Variants in NLRC4 observed in about 807,000 individuals in gnomAD.
NLRC4 encodes NLR family CARD domain-containing protein 4.
In NLRC4, 63 loss-of-function variants were observed where a neutral mutation model predicts 79.9. The observed-to-expected ratio is 0.79, with a 90% CI of 0.64 to 0.97. The LOEUF (loss-of-function observed/expected upper bound fraction) is 0.97, where lower values mean the gene tolerates loss of function less well. NLRC4 is among the 50% of genes least tolerant of loss of function. The probability of loss-of-function intolerance (pLI) is 0.00; values close to 1 mark genes in which losing one functional copy is unlikely to be tolerated. For synonymous variants in NLRC4, 461 were observed against 456.5 expected (o/e 1.01, Z -0.12); for missense variants, 1,074 against 1,215.2 (o/e 0.88, Z 1.73).
chr2:32,231,572 T>TGCGGGG, intron 8 of NLRC4, among the ~76,000 whole-genome samples: 1 of 59,456 alleles, frequency 1.7e-5, no homozygotes, highest in Non-Finnish European at 3.0e-5. Context: ...TATTTTTTTT[T>TGCGGGG]GTGGGGGGGG....
intron 4 of NLRC4, 36 bp from the exon 5 acceptor site, chr2:32,241,161 A>G (rs761774400): frequency 4.0e-6 from 5 of 1,236,830 alleles, no homozygotes; most frequent in Non-Finnish European, 5.9e-6. Context: ...CTTTCAGCAG[A>G]TATTTGCTAT....
chr2:32,253,814 A>G (rs1687141563), intron 2 of NLRC4, among the ~76,000 whole-genome samples: 2 of 151,822 alleles, frequency 1.3e-5, no homozygotes, highest in Non-Finnish European at 2.9e-5. Flanking sequence ...AAAATGCAAA[A>G]TTAGCCAGGT....
chr2:32,226,054 G>T (rs1686385410), intron 8 of NLRC4, among the ~76,000 whole-genome samples: 1 of 152,284 alleles, frequency 6.6e-6, no homozygotes, highest in East Asian at 1.9e-4. Context: ...TCAAGTTAAA[G>T]AAGGAAAGAT....
chr2:32,249,629 G>T lies in NLRC4; in HGVS notation c.2235C>A (p.Asp745Glu). 1 of 1,605,046 alleles carries T rather than the reference G, an allele frequency of 6.2e-7. No individual in the cohort carries two copies. Among genetic ancestry groups the T allele is most frequent in the South Asian group, 1.1e-5 (1 of 89,400 alleles). Residue 745 changes from aspartate to glutamate, a missense_variant, in exon 4 of 9, where the codon GAC becomes GAA. Physicochemically the swap from Asp to Glu is conservative, Grantham distance 45 (BLOSUM62 2). Transcript: ENST00000402280. ...VTNLKTLSIHDLQNQRLPGGL... is the reference protein window; with the variant it reads ...VTNLKTLSIHELQNQRLPGGL... ...TACCCGGCAGCCGTTGATTCTGTAG[G>T]TCATGAATACTCAAGGTTTTCAGGT...
At chr2:32,259,038 G>A (rs1475862454) in intron 1 of NLRC4, among the ~76,000 whole-genome samples, 1 of 152,112 alleles carries the variant, frequency 6.6e-6, no homozygotes, top group Admixed American at 6.6e-5. Flanking sequence ...GTATGTGAAT[G>A]GAGTTGGCTT....
In NLRC4 at chr2:32,250,727, T is replaced by C. The variant is rs1324331464; in HGVS notation, c.1137A>G (p.Lys379=). 1.9e-6 allele frequency: 3 copies of C among 1,614,160 alleles called. No homozygotes were observed. Among genetic ancestry groups the C allele is most frequent in the Non-Finnish European group, 2.5e-6 (3 of 1,180,016 alleles). Residue 379 remains lysine (K), a synonymous_variant, in exon 4 of 9, where the codon AAA becomes AAG. Coordinates refer to ENST00000402280, the MANE Select transcript of NLRC4 (RefSeq NM_001199138.2). The surrounding 1 kb of genome is among the most constrained non-coding windows in gnomAD (Gnocchi z 4.9). The part of the protein sequence containing the change: ...LLIQKNKHKH[K]GVAASDFIRS... ...GAATGAAGTCACTTGCAGCCACACC[T>C]TTATGTTTGTGTTTGTTTTTCTGTA...
At chr2:32,257,651 G>A (rs1437986958) in intron 1 of NLRC4, among the ~76,000 whole-genome samples, 1 of 151,562 alleles carries the variant, frequency 6.6e-6, no homozygotes, top group Non-Finnish European at 1.5e-5. Flanking sequence ...GATGAGGCCA[G>A]GTAGTTGGGC....
rs754092132 is a variant in NLRC4 at position 32,235,549 on chromosome 2, T to A, written c.2634A>T (p.Leu878=). 2.5e-6 allele frequency: 4 copies of A among 1,614,088 alleles called. No individual in the cohort carries two copies. The highest frequency in any genetic ancestry group is 2.2e-5 in the South Asian group (2 of 91,082). Residue 878 remains leucine, a synonymous_variant, in exon 8 of 9, where the codon CTA becomes CTT. Transcript: ENST00000402280. ...LHELIDRMNV[L]EQLTALMLPW... is the part of the protein sequence containing the mutation. ...GCAGCATCAGTGCGGTGAGCTGTTC[T>A]AGCACGTTCATCCTGTCGACTGGAA...
At chr2:32,236,197 C>T (rs764277007) in intron 7 of NLRC4, 50 bp downstream of exon 7, 4 of 1,160,766 alleles carry the variant, frequency 3.4e-6, no homozygotes, top group South Asian at 1.3e-5. Flanking sequence ...ATTTCGACTA[C>T]CCAGTATACA....
intron 4 of NLRC4, among the ~76,000 whole-genome samples, chr2:32,243,733 G>A (rs573380457): frequency 4.7e-4 from 71 of 151,296 alleles, no homozygotes; most frequent in Admixed American, 3.3e-4. Flanking sequence ...AGGAGGCGGC[G>A]GTTGCAGTGA....
intron 1 of NLRC4, among the ~76,000 whole-genome samples, chr2:32,259,290 TA>T (rs1294629240): frequency 4.6e-5 from 6 of 131,098 alleles, no homozygotes; most frequent in South Asian, 2.5e-4. Context: ...TTTTTTTTTT[TA>T]GAGACAGAGT....
At chr2:32,231,572 T>TTC (rs1553342715) in intron 8 of NLRC4, among the ~76,000 whole-genome samples, 2 of 59,486 alleles carry the variant, frequency 3.4e-5, no homozygotes, top group African/African-American at 8.0e-5. Flanking sequence ...TATTTTTTTT[T>TTC]GTGGGGGGGG....
chr2:32,241,700 A>G (rs776216425), intron 4 of NLRC4, among the ~76,000 whole-genome samples: 24 of 151,974 alleles, frequency 1.6e-4, no homozygotes, highest in African/African-American at 5.8e-4. Flanking sequence ...ATTTCTAAAC[A>G]CTTGGAAATT....
At chr2:32,235,720 G>A in intron 7 of NLRC4, 152 bp from the exon 8 acceptor site, 1 of 583,298 alleles carries the variant, frequency 1.7e-6, no homozygotes, top group Non-Finnish European at 3.0e-6. Flanking sequence ...GTTTTTTTTT[G>A]GAAAGTATTC....
Position 32,235,476 on chromosome 2 carries a change from A to C in NLRC4, c.2707T>G (p.Leu903Val). ...TTGACGAGTTGTGGGACCTCCTCCA[A>C]ATGTTTCAACAGGCTGCTCAGGCTG... ...QGSLSSLLKH[L>V]EEVPQLVKLG... Residue 903 changes from leucine (L) to valine (V), a missense_variant, in exon 8 of 9, where the codon TTG becomes GTG. Physicochemically the swap from Leu to Val is conservative, Grantham distance 32. Transcript: ENST00000402280. 1 of 1,614,138 alleles carries C rather than the reference A, an allele frequency of 6.2e-7. No homozygotes were observed. Among genetic ancestry groups the C allele is most frequent in the Non-Finnish European group, 8.5e-7 (1 of 1,179,968 alleles).
At chr2:32,251,675 AC>A in intron 3 of NLRC4, 74 bp from the exon 4 acceptor site, 1 of 1,006,996 alleles carries the variant, frequency 9.9e-7, no homozygotes, top group Non-Finnish European at 1.5e-6. Flanking sequence ...AGGAGGATGA[AC>A]GGGGGGGTGA....
chr2:32,241,533 C>A (rs557708812), intron 4 of NLRC4, among the ~76,000 whole-genome samples: 4 of 151,792 alleles, frequency 2.6e-5, no homozygotes, highest in Non-Finnish European at 5.9e-5. Context: ...CCTGCCACCA[C>A]GCCCGGCTAA....
intron 1 of NLRC4, among the ~76,000 whole-genome samples, chr2:32,259,262 A>AT (rs57570626): frequency 0.034 from 1,782 of 52,842 alleles, 231 homozygotes; most frequent in South Asian, 0.048. Context: ...TGCCTGGCTA[A>AT]TTTTTTTTTT....
chr2:32,225,656 A>G (rs1686371340), intron 8 of NLRC4, among the ~76,000 whole-genome samples: 1 of 152,172 alleles, frequency 6.6e-6, no homozygotes, highest in Non-Finnish European at 1.5e-5. Context: ...CGTTAGCCCT[A>G]CCCACCTACC....
Sources: gnomAD v4.1 joint callset for allele counts (sites outside exome capture counted in the v4.1 genomes callset) on GRCh38, gnomAD v4.1.1 for gene constraint, Gnocchi (gnomAD v3.1) non-coding constraint, MANE v1.5 for transcripts, NCBI Gene and HGNC (gene_info 2026-07-23, HGNC 2026-07-21) for gene names.